The following PPFIBP2 variants were observed in gnomAD, a reference collection of about 807,000 sequenced individuals.
PPFIBP2 encodes PPFIB scaffold protein 2.
PPFIBP2 carries 118 observed loss-of-function variants against 118.3 expected under a neutral mutation model. That is an observed-to-expected ratio of 1.00 (90% CI 0.86 to 1.16). The LOEUF is 1.16. Among genes scored for constraint, PPFIBP2 ranks in the 50% most tolerant of loss-of-function variants. The pLI, the probability that PPFIBP2 is intolerant of heterozygous loss-of-function variation, is 0.00. For synonymous variants in PPFIBP2, 414 were observed against 397.4 expected, an observed-to-expected ratio of 1.04 and a Z score of -0.50; for missense variants, 1,195 against 1,073.1, an observed-to-expected ratio of 1.11 and a Z score of -1.59.
At chr11:7,530,051 T>G (rs902411368) in intron 1 of PPFIBP2, among the ~76,000 whole-genome samples, 26 of 152,230 alleles carry the variant, frequency 1.7e-4, no homozygotes, top group African/African-American at 6.3e-4. Flanking sequence ...GGTTGTTGTT[T>G]TTTTAACCCT....
Position 7,653,580 on chromosome 11 carries a change from C to A in PPFIBP2, c.*362C>A, listed in dbSNP as rs541967553. ...CACGAGGCTCAGCTCTCAGGCACCC[C>A]CTACACTTCAGTTGAGGGAAAAGCT... On this transcript the variant is annotated 3_prime_UTR_variant, in exon 24 of 24. Coordinates refer to ENST00000299492, the MANE Select transcript of PPFIBP2 (RefSeq NM_003621.5). The A allele has an allele frequency of 4.1e-5, 54 of 1,305,682 alleles. No individual in the cohort carries two copies. In the Middle Eastern group the frequency reaches 1.3e-3, roughly 30 times the overall value. 80.9% of individuals were successfully genotyped at this position (1,305,682 alleles called of 1,614,324 possible). A position where few individuals can be genotyped will look rare whatever the true frequency, so the allele number is the denominator to read the frequency against.
At position 7,565,709 on chromosome 11, in the gene PPFIBP2, T is replaced by C. The variant is rs368874771; in HGVS notation, c.221T>C (p.Leu74Pro). ...CTTCCTCAGGAGAGAGCAGCCCTCCTGAGCCAGATCCCTGGCCCAACAGCT... is the reference window on the plus strand; with the variant it reads ...CTTCCTCAGGAGAGAGCAGCCCTCCCGAGCCAGATCCCTGGCCCAACAGCT... ...LELPQERAAL[L>P]SQIPGPTAAY... The change falls in exon 3 of 24, where the codon CTG becomes CCG. Residue 74 changes from leucine to proline, a missense_variant. Coordinates refer to ENST00000299492, the MANE Select transcript of PPFIBP2 (RefSeq NM_003621.5). The C allele has an allele frequency of 1.2e-6, 2 of 1,614,076 alleles. No homozygotes were observed. The highest frequency in any genetic ancestry group is 1.7e-6 in the Non-Finnish European group (2 of 1,180,034).
intron 1 of PPFIBP2, among the ~76,000 whole-genome samples, chr11:7,523,074 G>C (rs2134270344): frequency 6.6e-6 from 1 of 152,272 alleles, no homozygotes; most frequent in Non-Finnish European, 1.5e-5. Flanking sequence ...GCAGGGTCCG[G>C]TGTAGAGTCA....
chr11:7,552,481 G>A (rs1238177166), intron 2 of PPFIBP2, among the ~76,000 whole-genome samples: 1 of 151,986 alleles, frequency 6.6e-6, no homozygotes, highest in Non-Finnish European at 1.5e-5. Flanking sequence ...ATTTGCCCAG[G>A]GTCTGCAGAT....
intron 5 of PPFIBP2, among the ~76,000 whole-genome samples, chr11:7,605,439 G>C (rs372870389): frequency 1.3e-5 from 2 of 152,234 alleles, no homozygotes; most frequent in South Asian, 2.1e-4. Flanking sequence ...AGTTTTGCCA[G>C]GCAGTATTGG....
intron 20 of PPFIBP2, 123 bp from the exon 21 acceptor site, chr11:7,649,409 G>A (rs1430630655): frequency 6.7e-6 from 9 of 1,349,242 alleles, no homozygotes; most frequent in Non-Finnish European, 8.3e-6. Context: ...TAAGCTATTG[G>A]TGTCTCCACG....
At chr11:7,664,806 TC>T in the PPFIBP2 span, among the ~76,000 whole-genome samples, 5 of 90,650 alleles carry the variant, frequency 5.5e-5, no homozygotes, top group Non-Finnish European at 9.2e-5. Context: ...TGGCTGTCCC[TC>T]CCCCCCACCC....
chr11:7,632,607 A>G (rs2135775743), intron 11 of PPFIBP2: 1 of 319,484 alleles, frequency 3.1e-6, no homozygotes, highest in South Asian at 5.4e-5. Flanking sequence ...CCCAGGTCTC[A>G]GGACTGTACT....
chr11:7,645,854 T>C (rs946059103), intron 17 of PPFIBP2, among the ~76,000 whole-genome samples: 1 of 152,100 alleles, frequency 6.6e-6, no homozygotes, highest in Non-Finnish European at 1.5e-5. Flanking sequence ...TTAAAAAATT[T>C]AAAAAAGAAC....
intron 1 of PPFIBP2, among the ~76,000 whole-genome samples, chr11:7,525,088 T>C (rs765813721): frequency 4.3e-4 from 66 of 152,106 alleles, no homozygotes; most frequent in Non-Finnish European, 8.8e-5. Context: ...CTGACTCCTC[T>C]TGCCTGTCCT....
the PPFIBP2 span, chr11:7,666,196 C>G: frequency 0.036 from 21,455 of 589,320 alleles, 500 homozygotes; most frequent in Non-Finnish European, 0.046. Flanking sequence ...GGGGCAGTGT[C>G]CCTTTTGATG....
At chr11:7,619,914 G>A (rs11821588) in intron 6 of PPFIBP2, among the ~76,000 whole-genome samples, 2,605 of 152,322 alleles carry the variant, frequency 0.017, 75 homozygotes, top group African/African-American at 0.06. Flanking sequence ...TTTGTTGTGT[G>A]AGACTGCAGT....
chr11:7,537,400 G>A (rs1745395434), intron 1 of PPFIBP2, among the ~76,000 whole-genome samples: 1 of 152,228 alleles, frequency 6.6e-6, no homozygotes, highest in East Asian at 1.9e-4. Context: ...TCCCAGAGCA[G>A]GTGGTTTTTA....
chr11:7,632,734 A>G, intron 11 of PPFIBP2, 133 bp from the exon 12 acceptor site: 5 of 671,002 alleles, frequency 7.5e-6, no homozygotes, highest in African/African-American at 1.8e-5. Context: ...GGCATCTATA[A>G]TGATGTATCC....
chr11:7,545,696 A>G (rs1852255951), intron 1 of PPFIBP2, among the ~76,000 whole-genome samples: 1 of 151,664 alleles, frequency 6.6e-6, no homozygotes, highest in Non-Finnish European at 1.5e-5. Flanking sequence ...TATAATAAAA[A>G]AAGTATATAT....
chr11:7,600,413 G>A (rs1157388574), intron 5 of PPFIBP2, among the ~76,000 whole-genome samples: 2 of 152,222 alleles, frequency 1.3e-5, no homozygotes, highest in Non-Finnish European at 1.5e-5. Flanking sequence ...CAATATCTCT[G>A]GCTTGGAGTA....
In PPFIBP2 at chr11:7,635,578, G is replaced by A. The variant is rs11041490; in HGVS notation, c.1221G>A (p.Pro407=). 191,093 of 1,609,096 alleles carry A rather than the reference G, an allele frequency of 0.12. 12,790 individuals are homozygous for A. The highest frequency in any genetic ancestry group is 0.14 in the Non-Finnish European group (159,379 of 1,175,448). The change falls in exon 14 of 24, where the codon CCG becomes CCA. Residue 407 remains proline (P), a synonymous_variant. Coordinates refer to ENST00000299492, the MANE Select transcript of PPFIBP2 (RefSeq NM_003621.5). ...GTATGGATGGGAACCAGCCCTTCCC[G>A]GTGTTAGAACCCAAGGTACATTGAC... is the stretch of plus-strand genomic sequence containing the variant. The part of the protein sequence containing the change: ...DKCMDGNQPF[P]VLEPKDSPFL...
chr11:7,554,236 A>G (rs1853322314), intron 2 of PPFIBP2, among the ~76,000 whole-genome samples: 1 of 152,326 alleles, frequency 6.6e-6, no homozygotes, highest in African/African-American at 2.4e-5. Context: ...CACGTATTTC[A>G]ACGGAAAAAA....
At chr11:7,585,970 A>G (rs1043959286) in intron 3 of PPFIBP2, among the ~76,000 whole-genome samples, 2 of 152,260 alleles carry the variant, frequency 1.3e-5, no homozygotes, top group Admixed American at 6.5e-5. Flanking sequence ...AGAGTACACA[A>G]TAAAACACTT....
Sources: gnomAD v4.1 joint callset for allele counts (sites outside exome capture counted in the v4.1 genomes callset) on GRCh38, gnomAD v4.1.1 for gene constraint, MANE v1.5 for transcripts, NCBI Gene and HGNC (gene_info 2026-07-23, HGNC 2026-07-21) for gene names.